LARGE1: variants seen among roughly 807,000 people sequenced by gnomAD.
LARGE1 encodes LARGE xylosyl- and glucuronyltransferase 1.
A neutral mutation model predicts 87.6 loss-of-function variants in LARGE1; 43 were observed. That is an observed-to-expected ratio of 0.49 (90% CI 0.38 to 0.63). The LOEUF (loss-of-function observed/expected upper bound fraction) is 0.63. Among genes scored for constraint, LARGE1 ranks in the 30% least tolerant of loss-of-function variants. The pLI, the probability that LARGE1 is intolerant of heterozygous loss-of-function variation, is 0.00. For synonymous variants in LARGE1, 434 were observed against 394.6 expected (o/e 1.10, Z -1.18); for missense variants, 802 against 1,000.2 (o/e 0.80, Z 2.67).
In LARGE1 at chr22:33,230,817, C is replaced by T. The variant is rs192213012; in HGVS notation, c.1731-63985G>A. ...ATAATAATTATAAAGCATGTGTGTG[C>T]TCAAAAAGAGACCATTCAGACCATC... On this transcript the variant is annotated intron_variant, in intron 11 of 11. Coordinates refer to the LARGE1 transcript ENST00000608642. Among the ~76,000 whole-genome samples the T allele has an allele frequency of 1.1e-4, 16 of 152,332 alleles. No homozygotes were observed. The East Asian group carries it at 2.9e-3, about 28-fold the overall frequency.
intron 2 of LARGE1, among the ~76,000 whole-genome samples, chr22:33,689,831 G>A (rs926968432): frequency 2.6e-5 from 4 of 152,092 alleles, no homozygotes; most frequent in Non-Finnish European, 5.9e-5. Context: ...GGAGGCTGAG[G>A]CAGAAGAATC....
the LARGE1 span, among the ~76,000 whole-genome samples, chr22:33,121,198 C>G: frequency 6.6e-6 from 1 of 151,992 alleles, no homozygotes; most frequent in African/African-American, 2.4e-5. Context: ...TTTTTTTCCC[C>G]CAACAGAGCA....
chr22:33,774,319 G>A (rs1175325069), intron 1 of LARGE1, among the ~76,000 whole-genome samples: 3 of 151,276 alleles, frequency 2.0e-5, no homozygotes, highest in Non-Finnish European at 2.9e-5. Context: ...TTAAAAAAAG[G>A]GTTAAAAAAA....
At chr22:33,223,346 A>G (rs1358366353) in intron 11 of LARGE1, among the ~76,000 whole-genome samples, 1 of 152,206 alleles carries the variant, frequency 6.6e-6, no homozygotes, top group Non-Finnish European at 1.5e-5. Flanking sequence ...GGTGCCTGCC[A>G]ATTGGGCATT....
intron 11 of LARGE1, among the ~76,000 whole-genome samples, chr22:33,199,109 G>A (rs983694964): frequency 6.6e-6 from 1 of 151,882 alleles, no homozygotes; most frequent in Admixed American, 6.6e-5. Flanking sequence ...TCGTGATGTT[G>A]AGCATTTTTT....
chr22:33,463,763 C>G (rs955083051), intron 6 of LARGE1, among the ~76,000 whole-genome samples: 1 of 152,162 alleles, frequency 6.6e-6, no homozygotes, highest in Non-Finnish European at 1.5e-5. Context: ...ACCTCCGCCT[C>G]CCAGGTTCAA....
intron 11 of LARGE1, among the ~76,000 whole-genome samples, chr22:33,216,654 A>G (rs907842801): frequency 6.6e-6 from 1 of 152,164 alleles, no homozygotes; most frequent in Non-Finnish European, 1.5e-5. Flanking sequence ...AGGATTGTAG[A>G]AAGCAAAACA....
chr22:33,699,494 C>T (rs2082345739), intron 2 of LARGE1, among the ~76,000 whole-genome samples: 1 of 152,196 alleles, frequency 6.6e-6, no homozygotes, highest in African/African-American at 2.4e-5. Flanking sequence ...GTCGTCTTCA[C>T]AGGATTTTCA....
At chr22:33,094,766 T>C in the LARGE1 span, among the ~76,000 whole-genome samples, 1 of 152,246 alleles carries the variant, frequency 6.6e-6, no homozygotes, top group African/African-American at 2.4e-5. Flanking sequence ...TCGCCCAGGC[T>C]GGAGCGCAAT....
rs576496192 is a variant in LARGE1 at position 33,645,894 on chromosome 22, C to G, written c.408+4473G>C. Among the ~76,000 whole-genome samples the G allele has an allele frequency of 3.3e-5, 5 of 152,226 alleles. No individual in the cohort carries two copies. The South Asian group carries it at 1.0e-3, about 32-fold the overall frequency. On this transcript the variant is annotated intron_variant, in intron 3 of 14. Coordinates refer to ENST00000397394, the MANE Select transcript of LARGE1 (RefSeq NM_133642.5). ...TGCAAATCAAAACCACAATGAGATA[C>G]CATCTCATGCCAGTTGGAATGGCGA...
chr22:33,576,271 T>C (rs913832681), intron 5 of LARGE1, among the ~76,000 whole-genome samples: 4 of 152,220 alleles, frequency 2.6e-5, no homozygotes, highest in Admixed American at 6.5e-5. Context: ...CCATTGCTTC[T>C]GATGGGGATA....
At chr22:33,379,953 G>C (rs1193878841) in intron 9 of LARGE1, among the ~76,000 whole-genome samples, 1 of 152,152 alleles carries the variant, frequency 6.6e-6, no homozygotes, top group Non-Finnish European at 1.5e-5. Context: ...AGACTAAATA[G>C]ATTTCTTATA....
chr22:33,096,281 T>C, the LARGE1 span, among the ~76,000 whole-genome samples: 5 of 151,928 alleles, frequency 3.3e-5, no homozygotes, highest in African/African-American at 1.2e-4. Context: ...CTGGGCATGG[T>C]AGTGCATGCC....
chr22:33,855,858 C>G (rs577375997), intron 1 of LARGE1, among the ~76,000 whole-genome samples: 16 of 152,300 alleles, frequency 1.1e-4, no homozygotes, highest in African/African-American at 3.8e-4. Context: ...TGAGTCCTTA[C>G]AGCAAAACCA....
the LARGE1 span, among the ~76,000 whole-genome samples, chr22:33,154,533 C>A: frequency 6.6e-6 from 1 of 152,162 alleles, no homozygotes; most frequent in South Asian, 2.1e-4. Flanking sequence ...AGCCACTGCG[C>A]CCAGCCAGGT....
chr22:33,814,170 G>A (rs558137697), intron 1 of LARGE1, among the ~76,000 whole-genome samples: 6 of 152,194 alleles, frequency 3.9e-5, no homozygotes, highest in African/African-American at 1.2e-4. Context: ...TCCAAGAAAG[G>A]CTAGTCAGAT....
chr22:33,288,554 C>A (rs1931962043), intron 12 of LARGE1, among the ~76,000 whole-genome samples: 1 of 152,132 alleles, frequency 6.6e-6, no homozygotes. Flanking sequence ...TCTCTGGAGA[C>A]CCCTGAGGAC....
intron 1 of LARGE1, among the ~76,000 whole-genome samples, chr22:33,805,043 T>C (rs1279008950): frequency 2.6e-5 from 4 of 152,204 alleles, no homozygotes; most frequent in Non-Finnish European, 5.9e-5. Context: ...TTGTTTCTCT[T>C]GCAATCTTCC....
chr22:33,367,835 T>C (rs931146900), intron 9 of LARGE1, among the ~76,000 whole-genome samples: 2 of 152,196 alleles, frequency 1.3e-5, no homozygotes, highest in African/African-American at 2.4e-5. Context: ...TACATTTCCT[T>C]ACATGTTATT....
Sources: gnomAD v4.1 joint callset for allele counts (sites outside exome capture counted in the v4.1 genomes callset) on GRCh38, gnomAD v4.1.1 for gene constraint, MANE v1.5 for transcripts, NCBI Gene and HGNC (gene_info 2026-07-23, HGNC 2026-07-21) for gene names.